DOCK3: variants seen among roughly 807,000 people sequenced by gnomAD.
DOCK3 encodes dedicator of cytokinesis 3.
A neutral mutation model predicts 265.6 loss-of-function variants in DOCK3; 60 were observed. The ratio of observed to expected loss-of-function variants is 0.23; its 90% CI spans 0.18 to 0.28. The LOEUF (loss-of-function observed/expected upper bound fraction) is 0.28, where lower values mean the gene tolerates loss of function less well. DOCK3 is among the 10% of genes least tolerant of loss of function. The probability of loss-of-function intolerance (pLI) is 1.00; values close to 1 mark genes in which losing one functional copy is unlikely to be tolerated. For missense variants in DOCK3, 1,981 were observed against 2,594.3 expected (o/e 0.76, Z 5.14); for synonymous variants, 881 against 938.0 (o/e 0.94, Z 1.11).
chr3:50,961,651 A>T (rs2076889094), intron 5 of DOCK3, among the ~76,000 whole-genome samples: 1 of 152,190 alleles, frequency 6.6e-6, no homozygotes, highest in African/African-American at 2.4e-5. Flanking sequence ...GGTAAATGAG[A>T]TAAGAGGACT....
intron 26 of DOCK3, chr3:51,278,614 A>T: frequency 2.7e-6 from 2 of 754,202 alleles, no homozygotes; most frequent in Non-Finnish European, 3.0e-6. Flanking sequence ...TAAGTAAAAA[A>T]CATATATATA....
At chr3:50,958,535 T>A (rs529875655) in intron 5 of DOCK3, among the ~76,000 whole-genome samples, 6 of 152,314 alleles carry the variant, frequency 3.9e-5, no homozygotes, top group African/African-American at 1.2e-4. Context: ...AAGCCCTAGA[T>A]AATCATTGCT....
At chr3:51,236,319 G>C (rs1340059225) in intron 19 of DOCK3, 26 bp from the exon 20 acceptor site, 3 of 1,574,468 alleles carry the variant, frequency 1.9e-6, no homozygotes, top group South Asian at 2.2e-5. Flanking sequence ...TGAGACCTGA[G>C]CCCTCTGCTT....
At chr3:51,272,983 G>A (rs1208966033) in intron 24 of DOCK3, among the ~76,000 whole-genome samples, 1 of 151,938 alleles carries the variant, frequency 6.6e-6, no homozygotes, top group Non-Finnish European at 1.5e-5. Flanking sequence ...CTAACATGGT[G>A]AAACCCTGTC....
chr3:51,020,481 C>G lies in DOCK3; in HGVS notation c.316-43967C>G, dbSNP rs938003906. 3.3e-5 allele frequency among the ~76,000 whole-genome samples: 5 copies of G among 151,762 alleles called. 1 individual carries two copies. The highest frequency in any genetic ancestry group is 1.2e-4 in the African/African-American group (5 of 41,152). ...AGAAGCTCTTTAGTTTAATTAGATCCCATTTGTCAATTTTTGCTTTTTTTG... is the reference window on the plus strand; with the variant it reads ...AGAAGCTCTTTAGTTTAATTAGATCGCATTTGTCAATTTTTGCTTTTTTTG... On this transcript the variant is annotated intron_variant, in intron 5 of 52. Transcript: ENST00000266037.
chr3:51,315,903 C>T (rs1420863189), intron 32 of DOCK3, among the ~76,000 whole-genome samples: 2 of 152,058 alleles, frequency 1.3e-5, no homozygotes, highest in Non-Finnish European at 1.5e-5. Flanking sequence ...TAAGCTCCTT[C>T]CGAGCCTGTG....
At chr3:50,760,851 G>A (rs1327436093) in intron 1 of DOCK3, among the ~76,000 whole-genome samples, 3 of 150,110 alleles carry the variant, frequency 2.0e-5, no homozygotes, top group Admixed American at 6.7e-5. Flanking sequence ...GCGTGATCTC[G>A]GCTCACTGCA....
intron 2 of DOCK3, among the ~76,000 whole-genome samples, chr3:50,795,852 C>A (rs1451089323): frequency 6.6e-6 from 1 of 152,152 alleles, no homozygotes; most frequent in Non-Finnish European, 1.5e-5. Flanking sequence ...CAGTTACATT[C>A]TTTTCTATAC....
At chr3:51,061,618 C>G (rs2081413336) in intron 5 of DOCK3, among the ~76,000 whole-genome samples, 1 of 151,784 alleles carries the variant, frequency 6.6e-6, no homozygotes, top group African/African-American at 2.4e-5. Context: ...CATTAAATGA[C>G]AAGTTACTGG....
chr3:51,067,235 GTACCTA>G (rs1469257096), intron 6 of DOCK3, among the ~76,000 whole-genome samples: 1 of 152,112 alleles, frequency 6.6e-6, no homozygotes, highest in East Asian at 1.9e-4. Flanking sequence ...AGAACTATCA[GTACCTA>G]TACCTCTTTA....
At chr3:51,329,809 G>GA (rs911181761) in intron 32 of DOCK3, among the ~76,000 whole-genome samples, 2 of 152,030 alleles carry the variant, frequency 1.3e-5, no homozygotes, top group African/African-American at 4.8e-5. Context: ...TTTAAAGGGG[G>GA]AAAAAAACAT....
intron 5 of DOCK3, among the ~76,000 whole-genome samples, chr3:50,968,000 A>G (rs2077083521): frequency 1.3e-5 from 2 of 152,182 alleles, no homozygotes; most frequent in African/African-American, 4.8e-5. Context: ...TTCCCACTAC[A>G]GTGTGTAAGA....
chr3:50,683,831 T>TC (rs2034583174), intron 1 of DOCK3, among the ~76,000 whole-genome samples: 1 of 9,650 alleles, frequency 1.0e-4, no homozygotes, highest in Non-Finnish European at 3.3e-4. Flanking sequence ...CCCTCCCCGC[T>TC]CTCCTCCCCC....
intron 38 of DOCK3, among the ~76,000 whole-genome samples, chr3:51,342,251 A>G (rs557196093): frequency 6.6e-6 from 1 of 152,356 alleles, no homozygotes; most frequent in African/African-American, 2.4e-5. Flanking sequence ...GGGGACTTCT[A>G]TGTTTGTCAA....
intron 3 of DOCK3, among the ~76,000 whole-genome samples, chr3:50,846,926 C>G (rs556942773): frequency 2.6e-5 from 4 of 152,032 alleles, no homozygotes; most frequent in Non-Finnish European, 5.9e-5. Context: ...CTTAATCTAC[C>G]TAGCAGTCCA....
chr3:51,130,545 T>C (rs2084481541), intron 9 of DOCK3, among the ~76,000 whole-genome samples: 1 of 152,326 alleles, frequency 6.6e-6, no homozygotes, highest in Non-Finnish European at 1.5e-5. Context: ...CTTACGATAA[T>C]GCACTGTCAT....
chr3:51,256,287 G>T (rs1352596868), intron 22 of DOCK3, among the ~76,000 whole-genome samples: 1 of 152,114 alleles, frequency 6.6e-6, no homozygotes, highest in African/African-American at 2.4e-5. Context: ...TGTTTTTTGA[G>T]ACACAGTCTC....
intron 1 of DOCK3, among the ~76,000 whole-genome samples, chr3:50,749,401 TA>T (rs1164550727): frequency 1.3e-5 from 2 of 152,020 alleles, no homozygotes; most frequent in Non-Finnish European, 2.9e-5. Context: ...AGAAAAGAGG[TA>T]AAAGAAAACA....
chr3:51,108,005 C>G (rs545516875), intron 9 of DOCK3, among the ~76,000 whole-genome samples: 2 of 151,590 alleles, frequency 1.3e-5, no homozygotes, highest in Non-Finnish European at 2.9e-5. Context: ...AGAAACCCTA[C>G]AAGCCAGAAG....
Sources: allele counts gnomAD v4.1 joint callset (sites outside exome capture counted in the v4.1 genomes callset), GRCh38; gene constraint gnomAD v4.1.1; transcripts MANE v1.5; gene names NCBI Gene and HGNC (gene_info 2026-07-23, HGNC 2026-07-21).